The following NDUFA10 variants were observed in gnomAD, a reference collection of about 807,000 sequenced individuals.
NDUFA10 encodes NADH:ubiquinone oxidoreductase subunit A10, also known as NADH dehydrogenase [ubiquinone] 1 alpha subcomplex subunit 10, mitochondrial.
In NDUFA10, 40 loss-of-function variants were observed where a neutral mutation model predicts 47.8. That is an observed-to-expected ratio of 0.84 (90% CI 0.65 to 1.09). The LOEUF is 1.09. Ranked by LOEUF, NDUFA10 falls within the 50% of genes least tolerant of loss-of-function variation. NDUFA10 has a pLI of 0.00. For missense variants in NDUFA10, 413 were observed against 451.1 expected, an observed-to-expected ratio of 0.92 and a Z score of 0.76; for synonymous variants, 183 against 172.2, an observed-to-expected ratio of 1.06 and a Z score of -0.49.
Position 239,960,050 on chromosome 2 carries a change from T to C in NDUFA10, c.*1068A>G, listed in dbSNP as rs1008772249. 4.1e-6 allele frequency: 4 copies of C among 984,876 alleles called. No individual in the cohort carries two copies. In the African/African-American group the frequency reaches 7.0e-5, roughly 17 times the overall value. 61.0% of individuals were successfully genotyped at this position (984,876 alleles called of 1,614,324 possible). Reference sequence around the variant, plus strand: ...AACCAAGGAACCCAATTTTAAACTCTATTACATTTTAGCTCATTTAAATTT... The same window carrying C: ...AACCAAGGAACCCAATTTTAAACTCCATTACATTTTAGCTCATTTAAATTT... On this transcript the variant is annotated 3_prime_UTR_variant, in exon 10 of 10. Coordinates refer to ENST00000252711, the MANE Select transcript of NDUFA10 (RefSeq NM_004544.4).
At chr2:239,983,908 G>GTAA (rs1357437955) in intron 9 of NDUFA10, among the ~76,000 whole-genome samples, 5 of 152,138 alleles carry the variant, frequency 3.3e-5, no homozygotes, top group African/African-American at 4.8e-5. Flanking sequence ...AAAAACTAAG[G>GTAA]TAATCTGAAT....
At chr2:239,989,010 C>A (rs1051291930) in intron 9 of NDUFA10, among the ~76,000 whole-genome samples, 5 of 97,088 alleles carry the variant, frequency 5.1e-5, no homozygotes, top group Non-Finnish European at 8.8e-5. Flanking sequence ...CACACGTGTA[C>A]AAGGACAGAT....
At chr2:239,981,266 A>AT (rs1465914185) in intron 9 of NDUFA10, among the ~76,000 whole-genome samples, 1 of 152,240 alleles carries the variant, frequency 6.6e-6, no homozygotes, top group Non-Finnish European at 1.5e-5. Context: ...CCATGGATGG[A>AT]GCCCCACAGG....
intron 1 of NDUFA10, 63 bp downstream of exon 1, chr2:240,025,164 T>TACC: frequency 6.7e-6 from 4 of 594,912 alleles, no homozygotes; most frequent in Admixed American, 4.1e-5. Flanking sequence ...GTGGAACTGC[T>TACC]CCCCACCCCG....
At chr2:239,932,746 A>AT (rs963387768) in intron 4 of NDUFA10, among the ~76,000 whole-genome samples, 2 of 151,552 alleles carry the variant, frequency 1.3e-5, no homozygotes, top group African/African-American at 4.9e-5. Context: ...TACCCGGCTA[A>AT]TTTTTTTTGT....
chr2:239,947,957 G>A (rs1295024227), intron 4 of NDUFA10, among the ~76,000 whole-genome samples: 1 of 152,194 alleles, frequency 6.6e-6, no homozygotes, highest in Admixed American at 6.5e-5. Context: ...GAACATGGAG[G>A]TCACATGTGC....
chr2:239,958,990 C>G lies in NDUFA10; in HGVS notation c.*2128G>C. ...TTTCGTGAGACGAACGCATGTACTG[C>G]TCTGAAATAAGGAAATCGGGGCATC... is the stretch of plus-strand genomic sequence containing the variant. On this transcript the variant is annotated 3_prime_UTR_variant, in exon 10 of 10. Transcript: ENST00000252711. 1.0e-6 allele frequency: 1 copy of G among 985,436 alleles called. No individual in the cohort carries two copies. Among genetic ancestry groups the G allele is most frequent in the Middle Eastern group, 5.2e-4 (1 of 1,914 alleles). The allele number at this position is 985,436 out of a possible 1,614,324, so 61.0% of individuals were successfully genotyped here.
intron 4 of NDUFA10, among the ~76,000 whole-genome samples, chr2:239,944,151 G>A (rs112045756): frequency 0.014 from 2,125 of 152,204 alleles, 53 homozygotes; most frequent in African/African-American, 0.048. Context: ...CCAGGCCCCT[G>A]AGAGGAGGCA....
chr2:239,991,984 A>G (rs951968031), intron 8 of NDUFA10, among the ~76,000 whole-genome samples: 12 of 152,226 alleles, frequency 7.9e-5, no homozygotes, highest in Non-Finnish European at 1.3e-4. Context: ...AAGATTAAAA[A>G]AAGAATCTGT....
chr2:239,973,227 A>C (rs1695372224), intron 9 of NDUFA10, among the ~76,000 whole-genome samples: 1 of 152,176 alleles, frequency 6.6e-6, no homozygotes, highest in South Asian at 2.1e-4. Flanking sequence ...TTATAAACTG[A>C]AAATTTGTAT....
chr2:239,941,081 G>A (rs1344400815), intron 4 of NDUFA10, among the ~76,000 whole-genome samples: 1 of 152,200 alleles, frequency 6.6e-6, no homozygotes, highest in Non-Finnish European at 1.5e-5. Context: ...TCACTACAAG[G>A]TGCAGAAACA....
chr2:240,018,591 A>G lies in NDUFA10; in HGVS notation c.509T>C (p.Leu170Pro). ...ERSIFSDFVF[L>P]EAMYNQGFIR... ...GAATCCCTGGTTGTACATCGCCTCC[A>G]GGAACACAAAGTCACTGAAGATGGA... is the stretch of plus-strand genomic sequence containing the variant. The change falls in exon 4 of 10, where the codon CTG becomes CCG. Residue 170 changes from leucine to proline, a missense_variant. Leu to Pro is a moderately conservative substitution (Grantham distance 98). Coordinates refer to ENST00000252711, the MANE Select transcript of NDUFA10 (RefSeq NM_004544.4). 1 of 1,614,240 alleles carries G rather than the reference A, an allele frequency of 6.2e-7. No individual in the cohort carries two copies. Among genetic ancestry groups the G allele is most frequent in the Non-Finnish European group, 8.5e-7 (1 of 1,180,050 alleles).
At chr2:239,936,290 A>C (rs1268805817) in intron 4 of NDUFA10, among the ~76,000 whole-genome samples, 1 of 152,192 alleles carries the variant, frequency 6.6e-6, no homozygotes, top group African/African-American at 2.4e-5. Flanking sequence ...GGGCAGCAGG[A>C]CATGGTAGAG....
chr2:239,924,603 A>G (rs989851679), intron 4 of NDUFA10, among the ~76,000 whole-genome samples: 1 of 152,142 alleles, frequency 6.6e-6, no homozygotes, highest in African/African-American at 2.4e-5. Context: ...CACAGCTAAC[A>G]TAACACTTAA....
intron 4 of NDUFA10, among the ~76,000 whole-genome samples, chr2:239,933,951 G>T (rs1295259485): frequency 2.0e-5 from 3 of 152,254 alleles, no homozygotes; most frequent in Non-Finnish European, 2.9e-5. Flanking sequence ...TTGAACATCT[G>T]GGCTCAAGCA....
chr2:239,940,115 T>C (rs4312524), intron 4 of NDUFA10, among the ~76,000 whole-genome samples: 124,589 of 152,272 alleles, frequency 0.82, 51,239 homozygotes, highest in African/African-American at 0.89. Context: ...CTGTAAAGGG[T>C]TGGAGGGTAA....
At chr2:239,981,782 T>C (rs563334430) in intron 9 of NDUFA10, among the ~76,000 whole-genome samples, 2 of 152,280 alleles carry the variant, frequency 1.3e-5, no homozygotes, top group East Asian at 3.9e-4. Context: ...ATATTTTAAG[T>C]TTCTCATGAA....
At chr2:239,896,510 C>T (rs937698058) in intron 4 of NDUFA10, among the ~76,000 whole-genome samples, 2 of 152,162 alleles carry the variant, frequency 1.3e-5, no homozygotes, top group South Asian at 4.1e-4. Flanking sequence ...CAGCCAATGA[C>T]CCAGACACTG....
rs1407261583 is a variant in NDUFA10, at chr2:240,016,528, T to G, written c.548-1668A>C. Among the ~76,000 whole-genome samples the G allele has an allele frequency of 6.6e-6, 1 of 151,926 alleles. No homozygotes were observed. Among genetic ancestry groups the G allele is most frequent in the Non-Finnish European group, 1.5e-5 (1 of 67,988 alleles). On this transcript the variant is annotated intron_variant, in intron 4 of 9. Coordinates refer to ENST00000252711, the MANE Select transcript of NDUFA10 (RefSeq NM_004544.4). This position sits in a 1 kb window ranked among gnomAD's most constrained non-coding sequence, Gnocchi z 4.4. ...GCTAACATCACCAGCCCCCGAAAGG[T>G]GAAACGTGACAGTCACTTCTCAGTT...
Sources: gnomAD v4.1 joint callset for allele counts (sites outside exome capture counted in the v4.1 genomes callset) on GRCh38, gnomAD v4.1.1 for gene constraint, Gnocchi (gnomAD v3.1) non-coding constraint, MANE v1.5 for transcripts, NCBI Gene and HGNC (gene_info 2026-07-23, HGNC 2026-07-21) for gene names.